Variants in EXOC4 observed in about 807,000 individuals in gnomAD.
EXOC4 encodes exocyst complex component 4.
In EXOC4, 71 loss-of-function variants were observed where a neutral mutation model predicts 107.2. That is an observed-to-expected ratio of 0.66 (90% CI 0.55 to 0.81). The LOEUF is 0.81. Ranked by LOEUF, EXOC4 falls within the 30% of genes least tolerant of loss-of-function variation. EXOC4 has a pLI of 0.00. For synonymous variants in EXOC4, 456 were observed against 441.2 expected (o/e 1.03, Z -0.42); for missense variants, 1,108 against 1,189.6 (o/e 0.93, Z 1.01).
At chr7:133,832,285 C>T (rs759207618) in intron 11 of EXOC4, among the ~76,000 whole-genome samples, 14 of 152,136 alleles carry the variant, frequency 9.2e-5, no homozygotes, top group Non-Finnish European at 2.1e-4. Context: ...GCACTAAATC[C>T]TAGGATTCCA....
At chr7:133,902,359 G>T (rs1799471766) in intron 12 of EXOC4, among the ~76,000 whole-genome samples, 1 of 152,024 alleles carries the variant, frequency 6.6e-6, no homozygotes, top group African/African-American at 2.4e-5. Context: ...AAACACAGTG[G>T]ATCACTGCAT....
chr7:133,741,982 A>G (rs2151129218), intron 10 of EXOC4, among the ~76,000 whole-genome samples: 1 of 152,290 alleles, frequency 6.6e-6, no homozygotes, highest in Non-Finnish European at 1.5e-5. Context: ...CTTTTATGAA[A>G]TGAATGCCCC....
rs998342311 is a variant in EXOC4, at chr7:134,004,886, G to A, written c.2349-26G>A. 5 of 1,590,694 alleles carry A rather than the reference G, an allele frequency of 3.1e-6. No individual in the cohort carries two copies. The East Asian group carries it at 6.7e-5, about 21-fold the overall frequency. Reference sequence around the variant, plus strand: ...TCCCTGGAAGGATTTATTATTAACTGCTCTCCCTATCTCTCTCTTTTTCAG... The same window carrying A: ...TCCCTGGAAGGATTTATTATTAACTACTCTCCCTATCTCTCTCTTTTTCAG... On this transcript the variant is annotated intron_variant, in intron 15 of 17. Transcript: ENST00000253861.
chr7:134,078,369 A>C, the EXOC4 span, among the ~76,000 whole-genome samples: 1 of 151,792 alleles, frequency 6.6e-6, no homozygotes, highest in Non-Finnish European at 1.5e-5. Context: ...TCTGCTGTCT[A>C]TAATAATTAA....
intron 9 of EXOC4, among the ~76,000 whole-genome samples, chr7:133,595,787 A>G (rs767946308): frequency 6.6e-5 from 10 of 152,196 alleles, no homozygotes; most frequent in African/African-American, 2.4e-4. Context: ...GTTCCTTCCT[A>G]TACCTCGCAC....
chr7:133,946,483 T>C (rs1026034233), intron 14 of EXOC4, among the ~76,000 whole-genome samples: 1 of 152,238 alleles, frequency 6.6e-6, no homozygotes, highest in African/African-American at 2.4e-5. Context: ...TCAACTAATG[T>C]TTTGTAGGAA....
chr7:133,791,575 A>G (rs1195105159), intron 10 of EXOC4, among the ~76,000 whole-genome samples: 1 of 152,244 alleles, frequency 6.6e-6, no homozygotes, highest in African/African-American at 2.4e-5. Context: ...ACTGTTTAAT[A>G]AGCATAGTTT....
rs537275730 is a variant in EXOC4 at position 133,979,721 on chromosome 7, G to A, written c.2207-17771G>A. Among the ~76,000 whole-genome samples the A allele has an allele frequency of 1.6e-3, 244 of 152,078 alleles. 1 individual carries two copies. The highest frequency in any genetic ancestry group is 6.8e-3 in the Middle Eastern group (2 of 294). On this transcript the variant is annotated intron_variant, in intron 14 of 17. Coordinates refer to ENST00000253861, the MANE Select transcript of EXOC4 (RefSeq NM_021807.4). Reference sequence around the variant, plus strand: ...GAGAATGGCGTGAACCTGGGAGGCGGAGCTTGCAGTGAGCCGAGATCGCAC... The same window carrying A: ...GAGAATGGCGTGAACCTGGGAGGCGAAGCTTGCAGTGAGCCGAGATCGCAC...
chr7:133,451,705 A>G (rs1045444277), intron 7 of EXOC4, among the ~76,000 whole-genome samples: 6 of 152,202 alleles, frequency 3.9e-5, no homozygotes, highest in Admixed American at 3.3e-4. Flanking sequence ...ATAGCCACCC[A>G]TAGTTCACCC....
intron 13 of EXOC4, among the ~76,000 whole-genome samples, chr7:133,929,470 T>A (rs765542750): frequency 1.4e-4 from 13 of 91,908 alleles, no homozygotes; most frequent in Admixed American, 1.7e-4. Context: ...CTAACACTTC[T>A]ATCCCAGAAA....
At chr7:133,406,196 T>A (rs1371958753) in intron 7 of EXOC4, among the ~76,000 whole-genome samples, 1 of 152,180 alleles carries the variant, frequency 6.6e-6, no homozygotes, top group African/African-American at 2.4e-5. Context: ...GTGACATTGC[T>A]GTGTGATAGA....
chr7:133,835,921 T>C (rs929193832), intron 11 of EXOC4, among the ~76,000 whole-genome samples: 3 of 152,220 alleles, frequency 2.0e-5, no homozygotes, highest in African/African-American at 4.8e-5. Context: ...AACTTCATGA[T>C]TACTAACCCA....
intron 14 of EXOC4, among the ~76,000 whole-genome samples, chr7:133,962,298 C>A (rs980323393): frequency 6.6e-6 from 1 of 152,184 alleles, no homozygotes; most frequent in African/African-American, 2.4e-5. Context: ...TTTGCTCTCT[C>A]CTTCTTGTTA....
intron 17 of EXOC4, among the ~76,000 whole-genome samples, chr7:134,017,444 T>C (rs751020208): frequency 3.3e-5 from 5 of 152,278 alleles, no homozygotes; most frequent in South Asian, 4.1e-4. Flanking sequence ...TAAAATTCAG[T>C]AATAAAACCA....
At chr7:133,303,022 C>T (rs181628629) in intron 3 of EXOC4, among the ~76,000 whole-genome samples, 21 of 152,222 alleles carry the variant, frequency 1.4e-4, no homozygotes, top group Admixed American at 2.0e-4. Flanking sequence ...ACCTGGAAAC[C>T]GTACCTCCCC....
At chr7:133,787,991 A>G (rs1225623793) in intron 10 of EXOC4, among the ~76,000 whole-genome samples, 1 of 99,014 alleles carries the variant, frequency 1.0e-5, no homozygotes, top group African/African-American at 4.0e-5. Flanking sequence ...ATATATATAT[A>G]TATATATATA....
At chr7:134,061,229 A>G (rs980691509) in intron 17 of EXOC4, among the ~76,000 whole-genome samples, 1 of 152,214 alleles carries the variant, frequency 6.6e-6, no homozygotes, top group Non-Finnish European at 1.5e-5. Context: ...ATCTGGCATG[A>G]TGGGCTCAGT....
intron 10 of EXOC4, among the ~76,000 whole-genome samples, chr7:133,683,542 G>A (rs1030798024): frequency 6.6e-6 from 1 of 152,064 alleles, no homozygotes; most frequent in Non-Finnish European, 1.5e-5. Context: ...AATATACTGT[G>A]ATAATTATTC....
chr7:133,505,416 A>T (rs1799648734), intron 9 of EXOC4, among the ~76,000 whole-genome samples: 2 of 151,936 alleles, frequency 1.3e-5, no homozygotes, highest in African/African-American at 4.8e-5. Flanking sequence ...TAATTTCCAG[A>T]GTTTGAATTG....
Sources: allele counts gnomAD v4.1 joint callset (sites outside exome capture counted in the v4.1 genomes callset), GRCh38; gene constraint gnomAD v4.1.1; transcripts MANE v1.5; gene names NCBI Gene and HGNC (gene_info 2026-07-23, HGNC 2026-07-21).